The following LPAR6 variants were observed in gnomAD, a reference collection of about 807,000 sequenced individuals.
LPAR6 encodes the protein lysophosphatidic acid receptor 6.
LPAR6 carries 17 observed loss-of-function variants against 22.0 expected under a neutral mutation model. That is an observed-to-expected ratio of 0.77 (90% CI 0.53 to 1.16). The LOEUF is 1.16. Ranked by LOEUF, LPAR6 falls within the 50% of genes most tolerant of loss-of-function variation. The pLI is 0.00. For missense variants in LPAR6, 384 were observed against 406.9 expected (o/e 0.94, Z 0.48); for synonymous variants, 136 against 139.8 (o/e 0.97, Z 0.19).
rs1021277848 is a variant in LPAR6, at chr13:48,412,337, C to A, written c.87G>T (p.Val29=). 1 of 1,613,164 alleles carries A rather than the reference C, an allele frequency of 6.2e-7. No homozygotes were observed. The highest frequency in any genetic ancestry group is 1.3e-5 in the African/African-American group (1 of 74,880). The change falls in exon 1 of 1, where the codon GTG becomes GTT. Residue 29 remains valine, a synonymous_variant. Transcript: ENST00000620633. ...LYGCMFSMVF[V]LGLISNCVAI... ...CAACACAATTGGATATTAACCCAAG[C>A]ACAAACACCATGCTGAACATGCACC...
intron 2 of LPAR6, among the ~76,000 whole-genome samples, chr13:48,422,330 A>G (rs1285431534): frequency 3.3e-5 from 5 of 152,264 alleles, no homozygotes; most frequent in Middle Eastern, 6.8e-3. Context: ...GAACACATGG[A>G]CACAGGGAGG....
intron 1 of LPAR6, chr13:48,401,156 A>G (rs973166978): frequency 6.6e-6 from 1 of 152,220 alleles, no homozygotes; most frequent in African/African-American, 2.4e-5. Context: ...TAGCAATGGT[A>G]GAAGAATAGC....
intron 1 of LPAR6, among the ~76,000 whole-genome samples, chr13:48,405,776 C>T (rs1948734320): frequency 6.6e-6 from 1 of 152,140 alleles, no homozygotes. Flanking sequence ...TCCTTCTATC[C>T]CATTTCCAAC....
rs78535436 is a variant in LPAR6 at position 48,390,351 on chromosome 13, A to G, written n.115-539T>C. 1.9e-3 allele frequency among the ~76,000 whole-genome samples: 284 copies of G among 152,330 alleles called. 11 individuals carry two copies. The East Asian group carries it at 0.044, about 23-fold the overall frequency. ...GTTTCACCTTAGAATTTCTGGAGAC[A>G]GAACATTTCTGGGTAGTTTACTGTA... On this transcript the variant is annotated intron_variant and non_coding_transcript_variant, in intron 1 of 1. Transcript: ENST00000462781.
chr13:48,417,499 CA>C (rs1948933005), upstream of LPAR6, among the ~76,000 whole-genome samples: 1 of 152,106 alleles, frequency 6.6e-6, no homozygotes, highest in Non-Finnish European at 1.5e-5. Flanking sequence ...CTGACAATTC[CA>C]AAAACCAGAA....
intron 1 of LPAR6, among the ~76,000 whole-genome samples, chr13:48,405,889 C>G (rs1840344998): frequency 6.6e-6 from 1 of 152,062 alleles, no homozygotes; most frequent in African/African-American, 2.4e-5. Flanking sequence ...AGGTGGCATA[C>G]TATGTGTGCT....
At chr13:48,437,221 A>G (rs374287181) in intron 1 of LPAR6, among the ~76,000 whole-genome samples, 3 of 152,228 alleles carry the variant, frequency 2.0e-5, no homozygotes, top group Non-Finnish European at 4.4e-5. Flanking sequence ...TTCAGAGAGC[A>G]ATTAGGCTGA....
rs9535025 is a variant in LPAR6, at chr13:48,393,474, T to G, written n.115-3662A>C. On this transcript the variant is annotated intron_variant and non_coding_transcript_variant, in intron 1 of 1. Coordinates refer to the LPAR6 transcript ENST00000462781. Reference sequence around the variant, plus strand: ...TCTCCCAGGGATTGCTGTTCTGTACTGCCTGTTGTTTATTGTGTAAAAAGA... The same window carrying G: ...TCTCCCAGGGATTGCTGTTCTGTACGGCCTGTTGTTTATTGTGTAAAAAGA... 3.5e-3 allele frequency among the ~76,000 whole-genome samples: 540 copies of G among 152,328 alleles called. 1 individual carries two copies. The highest frequency in any genetic ancestry group is 5.9e-3 in the Non-Finnish European group (398 of 68,026).
At chr13:48,402,379 C>CATTTTTTT (rs1555288404) in intron 1 of LPAR6, among the ~76,000 whole-genome samples, 2 of 125,718 alleles carry the variant, frequency 1.6e-5, no homozygotes, top group Non-Finnish European at 3.3e-5. Flanking sequence ...TGTAGAAAAC[C>CATTTTTTT]TTTTTTTTTT....
intron 1 of LPAR6, among the ~76,000 whole-genome samples, chr13:48,397,267 G>A (rs1428032691): frequency 9.9e-5 from 15 of 152,172 alleles, no homozygotes; most frequent in Admixed American, 9.8e-4. Context: ...GTGGTAGACT[G>A]GATAAAGAAA....
At chr13:48,392,127 T>C (rs928322336) in intron 1 of LPAR6, among the ~76,000 whole-genome samples, 1 of 152,138 alleles carries the variant, frequency 6.6e-6, no homozygotes, top group African/African-American at 2.4e-5. Context: ...TTTCTTTTTT[T>C]TGAGATGAAG....
At chr13:48,407,930 G>T (rs557415102), downstream of LPAR6, among the ~76,000 whole-genome samples, 5 of 152,246 alleles carry the variant, frequency 3.3e-5, no homozygotes, top group Admixed American at 3.3e-4. Context: ...AGGTAGTGAT[G>T]CTTCTTCTTG....
At chr13:48,399,563 CT>C (rs2138177593) in intron 1 of LPAR6, among the ~76,000 whole-genome samples, 1 of 152,020 alleles carries the variant, frequency 6.6e-6, no homozygotes, top group East Asian at 1.9e-4. Flanking sequence ...AATAAAATAA[CT>C]TTCTTCATCA....
intron 1 of LPAR6, among the ~76,000 whole-genome samples, chr13:48,391,158 T>G (rs1003512021): frequency 6.6e-6 from 1 of 152,122 alleles, no homozygotes; most frequent in African/African-American, 2.4e-5. Context: ...ATATGAATCT[T>G]TAATCTTTAA....
At chr13:48,405,687 A>C (rs570366066) in intron 1 of LPAR6, among the ~76,000 whole-genome samples, 1 of 152,226 alleles carries the variant, frequency 6.6e-6, no homozygotes, top group Non-Finnish European at 1.5e-5. Context: ...TCAATACCCA[A>C]TATAAAGCAT....
At chr13:48,434,688 T>C (rs974202514) in intron 1 of LPAR6, among the ~76,000 whole-genome samples, 1 of 152,108 alleles carries the variant, frequency 6.6e-6, no homozygotes, top group Non-Finnish European at 1.5e-5. Flanking sequence ...TGTAGGTCCA[T>C]GTATCCACCA....
chr13:48,393,540 C>T (rs551697487), intron 1 of LPAR6, among the ~76,000 whole-genome samples: 133 of 152,260 alleles, frequency 8.7e-4, no homozygotes, highest in African/African-American at 3.1e-3. Flanking sequence ...GTTGTTTAAA[C>T]GAATCTGGTC....
downstream of LPAR6, among the ~76,000 whole-genome samples, chr13:48,406,894 AAAAC>A (rs145038330): frequency 5.9e-5 from 9 of 152,118 alleles, no homozygotes; most frequent in South Asian, 6.2e-4. Flanking sequence ...TCTTTCTATT[AAAAC>A]AAACAAACAA....
At chr13:48,418,687 G>A (rs1483884329) in intron 2 of LPAR6, among the ~76,000 whole-genome samples, 6 of 146,758 alleles carry the variant, frequency 4.1e-5, no homozygotes, top group Non-Finnish European at 9.0e-5. Flanking sequence ...AATGGAGGAA[G>A]ATTTACCAAG....
Sources: allele counts gnomAD v4.1 joint callset (sites outside exome capture counted in the v4.1 genomes callset), GRCh38; gene constraint gnomAD v4.1.1; transcripts MANE v1.5; gene names NCBI Gene and HGNC (gene_info 2026-07-23, HGNC 2026-07-21).